The following CAMTA1 variants were observed in gnomAD, a reference collection of about 807,000 sequenced individuals.
CAMTA1 encodes calmodulin-binding transcription activator 1.
A neutral mutation model predicts 170.9 loss-of-function variants in CAMTA1; 27 were observed. That is an observed-to-expected ratio of 0.16 (90% CI 0.12 to 0.22). The LOEUF (loss-of-function observed/expected upper bound fraction) is 0.22. CAMTA1 is among the 10% of genes least tolerant of loss of function. CAMTA1 has a pLI of 1.00. For synonymous variants in CAMTA1, 833 were observed against 891.5 expected, an observed-to-expected ratio of 0.93 and a Z score of 1.17; for missense variants, 1,619 against 2,217.2, an observed-to-expected ratio of 0.73 and a Z score of 5.42.
chr1:7,639,042 G>C (rs560821761), intron 6 of CAMTA1, among the ~76,000 whole-genome samples: 1 of 152,132 alleles, frequency 6.6e-6, no homozygotes, highest in Non-Finnish European at 1.5e-5. Context: ...GCAGGGGTGC[G>C]ATCTCGGCTC....
chr1:6,958,673 G>A (rs1486517698), intron 3 of CAMTA1, among the ~76,000 whole-genome samples: 2 of 152,170 alleles, frequency 1.3e-5, no homozygotes, highest in African/African-American at 4.8e-5. Flanking sequence ...AGTGCATGAA[G>A]CGAATCTCCT....
At chr1:7,212,617 C>T (rs1016276235) in intron 4 of CAMTA1, among the ~76,000 whole-genome samples, 3 of 152,198 alleles carry the variant, frequency 2.0e-5, no homozygotes, top group African/African-American at 7.2e-5. Flanking sequence ...ACCCTTTGAG[C>T]TGTTTTTCTC....
At chr1:7,702,857 G>A (rs1488030856) in intron 11 of CAMTA1, among the ~76,000 whole-genome samples, 1 of 152,050 alleles carries the variant, frequency 6.6e-6, no homozygotes, top group African/African-American at 2.4e-5. Context: ...TCGCCCCCAA[G>A]TACCCCGTTT....
chr1:7,621,124 G>A (rs961009476), intron 6 of CAMTA1, among the ~76,000 whole-genome samples: 1 of 152,230 alleles, frequency 6.6e-6, no homozygotes, highest in African/African-American at 2.4e-5. Context: ...GAGAGGCATT[G>A]CACCCTGATT....
intron 11 of CAMTA1, among the ~76,000 whole-genome samples, chr1:7,704,456 A>T (rs925236140): frequency 7.0e-6 from 1 of 143,700 alleles, no homozygotes. Flanking sequence ...GTCGCGAGGG[A>T]CCGGGGGCCC....
chr1:6,902,072 C>CACACACACACAAA (rs3986505), intron 3 of CAMTA1, among the ~76,000 whole-genome samples: 15 of 88,490 alleles, frequency 1.7e-4, no homozygotes, highest in African/African-American at 3.9e-4. Flanking sequence ...CACACACACA[C>CACACACACACAAA]AAAAAAAAAA....
At chr1:7,012,734 C>T (rs555765892) in intron 3 of CAMTA1, among the ~76,000 whole-genome samples, 1 of 152,308 alleles carries the variant, frequency 6.6e-6, no homozygotes, top group South Asian at 2.1e-4. Context: ...CCTTTCTCTT[C>T]CTCAGTTTCC....
In CAMTA1 at chr1:7,271,599, G is replaced by GATAGAT. The variant is rs1553297377; in HGVS notation, c.438+21975_438+21980dup. Reference sequence around the variant, plus strand: ...AGATAGATAGATAGATAGATAGATAGATAGATAGATAGATACAATACCCCC... The same window carrying GATAGAT: ...AGATAGATAGATAGATAGATAGATAGATAGATATAGATAGATAGATACAATACCCCC... On this transcript the variant is annotated intron_variant, in intron 5 of 22. Transcript: ENST00000303635. Among the ~76,000 whole-genome samples, 13 of 133,788 alleles carry GATAGAT rather than the reference G, an allele frequency of 9.7e-5. 1 individual carries two copies. Among genetic ancestry groups the GATAGAT allele is most frequent in the African/African-American group, 4.4e-4 (13 of 29,756 alleles). 87.8% of individuals were successfully genotyped at this position (133,788 alleles called of 152,430 possible). A position where few individuals can be genotyped will look rare whatever the true frequency, so the allele number is the denominator to read the frequency against.
intron 6 of CAMTA1, among the ~76,000 whole-genome samples, chr1:7,513,366 G>A (rs543359168): frequency 2.6e-5 from 4 of 152,300 alleles, no homozygotes; most frequent in Admixed American, 2.6e-4. Context: ...GGGGACATCA[G>A]TGTGAGTTTC....
At chr1:7,175,009 A>G (rs1650480981) in intron 4 of CAMTA1, among the ~76,000 whole-genome samples, 2 of 152,126 alleles carry the variant, frequency 1.3e-5, no homozygotes. Context: ...AGAAACATAG[A>G]AAAAAAATGT....
At chr1:7,178,063 C>T (rs1481348000) in intron 4 of CAMTA1, among the ~76,000 whole-genome samples, 1 of 152,106 alleles carries the variant, frequency 6.6e-6, no homozygotes. Context: ...CGCTCACATG[C>T]CAAAGCCCCT....
intron 1 of CAMTA1, among the ~76,000 whole-genome samples, chr1:6,804,368 T>A (rs1644266684): frequency 6.6e-6 from 1 of 151,990 alleles, no homozygotes; most frequent in African/African-American, 2.4e-5. Context: ...ATTATAAAAT[T>A]AACCCTTTTA....
chr1:7,554,483 A>AT (rs57271417), intron 6 of CAMTA1, among the ~76,000 whole-genome samples: 12,071 of 152,056 alleles, frequency 0.079, 1,243 homozygotes, highest in African/African-American at 0.23. Context: ...ATCACAGCAC[A>AT]TTTTCCAAAT....
chr1:7,066,002 T>C (rs1435576895), intron 3 of CAMTA1, among the ~76,000 whole-genome samples: 2 of 152,092 alleles, frequency 1.3e-5, no homozygotes, highest in Non-Finnish European at 2.9e-5. Flanking sequence ...AAATGAGACC[T>C]GCTGGTGCTT....
At chr1:7,166,136 G>A (rs1648371976) in intron 4 of CAMTA1, among the ~76,000 whole-genome samples, 2 of 151,166 alleles carry the variant, frequency 1.3e-5, no homozygotes, top group Non-Finnish European at 2.9e-5. Context: ...GCATGATCTC[G>A]GCTCACTGCA....
intron 11 of CAMTA1, among the ~76,000 whole-genome samples, chr1:7,701,436 G>A (rs2096438908): frequency 6.6e-6 from 1 of 151,986 alleles, no homozygotes; most frequent in South Asian, 2.1e-4. Context: ...CCCTTTTTGA[G>A]ACAGGGTCTT....
chr1:6,961,009 A>C (rs1690303531), intron 3 of CAMTA1, among the ~76,000 whole-genome samples: 1 of 152,204 alleles, frequency 6.6e-6, no homozygotes, highest in African/African-American at 2.4e-5. Flanking sequence ...TAGAGCTGGG[A>C]GTTTTAAACC....
chr1:7,425,790 T>C (rs2091846701), intron 5 of CAMTA1, among the ~76,000 whole-genome samples: 1 of 152,000 alleles, frequency 6.6e-6, no homozygotes, highest in Admixed American at 6.5e-5. Flanking sequence ...ACTTGCTCGC[T>C]TCCTAGACGA....
intron 6 of CAMTA1, among the ~76,000 whole-genome samples, chr1:7,611,748 G>A (rs2095525259): frequency 6.6e-6 from 1 of 152,250 alleles, no homozygotes; most frequent in Non-Finnish European, 1.5e-5. Flanking sequence ...TAAGGTGGGG[G>A]CAGCTGCTGC....
Sources: gnomAD v4.1 joint callset for allele counts (sites outside exome capture counted in the v4.1 genomes callset) on GRCh38, gnomAD v4.1.1 for gene constraint, MANE v1.5 for transcripts, NCBI Gene and HGNC (gene_info 2026-07-23, HGNC 2026-07-21) for gene names.